PABPC4L: variants seen among roughly 807,000 people sequenced by gnomAD.
PABPC4L encodes poly(A) binding protein cytoplasmic 4 like, also known as polyadenylate-binding protein 4-like.
For synonymous variants in PABPC4L, 169 were observed against 164.1 expected, an observed-to-expected ratio of 1.03 and a Z score of -0.23; for missense variants, 452 against 451.4, an observed-to-expected ratio of 1.00 and a Z score of -0.01.
At chr4:134,103,485 G>A in the PABPC4L span, among the ~76,000 whole-genome samples, 4 of 151,520 alleles carry the variant, frequency 2.6e-5, no homozygotes, top group South Asian at 2.1e-4. Flanking sequence ...CATGGTTCCC[G>A]TTTGTGCATT....
chr4:134,121,899 A>G, the PABPC4L span, among the ~76,000 whole-genome samples: 1 of 151,810 alleles, frequency 6.6e-6, no homozygotes, highest in Non-Finnish European at 1.5e-5. Context: ...CAAATCAACA[A>G]ATATCCCATG....
chr4:133,984,657 T>C, the PABPC4L span, among the ~76,000 whole-genome samples: 2 of 151,932 alleles, frequency 1.3e-5, no homozygotes, highest in Non-Finnish European at 2.9e-5. Flanking sequence ...AGGTGTGACA[T>C]GAAATTTCTT....
chr4:134,152,154 C>A, the PABPC4L span, among the ~76,000 whole-genome samples: 2 of 148,002 alleles, frequency 1.4e-5, no homozygotes, highest in Non-Finnish European at 2.9e-5. Flanking sequence ...GTGGTTTACA[C>A]TCTTTTTTCT....
the PABPC4L span, among the ~76,000 whole-genome samples, chr4:134,110,327 A>G: frequency 3.3e-5 from 5 of 152,164 alleles, no homozygotes; most frequent in East Asian, 9.7e-4. Context: ...AAAATTTAGG[A>G]TACTTTGATA....
the PABPC4L span, among the ~76,000 whole-genome samples, chr4:134,187,475 T>C: frequency 7.1e-6 from 1 of 140,016 alleles, no homozygotes; most frequent in African/African-American, 2.7e-5. Flanking sequence ...TTCTCACTCA[T>C]AGGTGGGAAC....
chr4:134,184,285 T>C, the PABPC4L span, among the ~76,000 whole-genome samples: 1 of 151,838 alleles, frequency 6.6e-6, no homozygotes. Context: ...AATGTCTAAA[T>C]AGAAAAAGTA....
the PABPC4L span, among the ~76,000 whole-genome samples, chr4:133,999,541 G>A: frequency 2.0e-5 from 3 of 151,994 alleles, no homozygotes; most frequent in South Asian, 6.2e-4. Flanking sequence ...TTCATCAGTA[G>A]ATTTCACAAA....
chr4:134,005,183 A>G, the PABPC4L span, among the ~76,000 whole-genome samples: 1 of 152,028 alleles, frequency 6.6e-6, no homozygotes, highest in Non-Finnish European at 1.5e-5. Context: ...CAATGTATAC[A>G]TGTATCAAAA....
At chr4:134,187,956 T>C in the PABPC4L span, among the ~76,000 whole-genome samples, 2 of 152,138 alleles carry the variant, frequency 1.3e-5, no homozygotes, top group Non-Finnish European at 2.9e-5. Context: ...ATGATGTTTT[T>C]ATTTTTTATT....
At chr4:134,130,051 C>T in the PABPC4L span, among the ~76,000 whole-genome samples, 885 of 138,520 alleles carry the variant, frequency 6.4e-3, 10 homozygotes, top group African/African-American at 0.022. Context: ...GGTGACAGAG[C>T]GAGACTCTGT....
At chr4:134,036,362 T>C in the PABPC4L span, among the ~76,000 whole-genome samples, 13 of 152,242 alleles carry the variant, frequency 8.5e-5, no homozygotes, top group African/African-American at 3.1e-4. Flanking sequence ...ATAATTCCTA[T>C]AGACTGAGGA....
At chr4:134,118,556 T>A in the PABPC4L span, among the ~76,000 whole-genome samples, 8 of 151,844 alleles carry the variant, frequency 5.3e-5, no homozygotes, top group Non-Finnish European at 1.0e-4. Context: ...GATTGACAAA[T>A]ATTTAAAGAT....
chr4:134,110,167 G>C, the PABPC4L span, among the ~76,000 whole-genome samples: 2 of 151,960 alleles, frequency 1.3e-5, 1 homozygote, highest in Admixed American at 1.3e-4. Context: ...AAAAATCAAT[G>C]GTGGGCAATA....
downstream of PABPC4L, among the ~76,000 whole-genome samples, chr4:134,194,509 CAAT>C (rs1729602090): frequency 6.6e-6 from 1 of 151,698 alleles, no homozygotes; most frequent in African/African-American, 2.4e-5. Flanking sequence ...ACCTTGGTTA[CAAT>C]GATTGGTTAA....
the PABPC4L span, among the ~76,000 whole-genome samples, chr4:134,007,749 T>G: frequency 2.6e-5 from 4 of 151,650 alleles, no homozygotes; most frequent in Non-Finnish European, 5.9e-5. Flanking sequence ...AATATCTGTA[T>G]GACCAAAAAG....
At chr4:133,981,903 A>C in the PABPC4L span, among the ~76,000 whole-genome samples, 1 of 151,980 alleles carries the variant, frequency 6.6e-6, no homozygotes, top group African/African-American at 2.4e-5. Context: ...GCAATTATTA[A>C]CTTTAACTGA....
the PABPC4L span, among the ~76,000 whole-genome samples, chr4:134,081,158 C>T: frequency 6.6e-6 from 1 of 152,158 alleles, no homozygotes; most frequent in Non-Finnish European, 1.5e-5. Context: ...TGTTACTATA[C>T]ATTTAATGGC....
the PABPC4L span, among the ~76,000 whole-genome samples, chr4:133,988,543 CT>C: frequency 7.9e-5 from 12 of 152,354 alleles, no homozygotes; most frequent in African/African-American, 2.9e-4. Context: ...CCAGGGCACA[CT>C]GATGCAAGAG....
At chr4:134,159,324 C>A in the PABPC4L span, among the ~76,000 whole-genome samples, 570 of 152,184 alleles carry the variant, frequency 3.7e-3, 2 homozygotes, top group African/African-American at 0.013. Flanking sequence ...TGCAAGAAAT[C>A]GCCTTCATAG....
Sources: gnomAD v4.1 joint callset for allele counts (sites outside exome capture counted in the v4.1 genomes callset) on GRCh38, gnomAD v4.1.1 for gene constraint, MANE v1.5 for transcripts, NCBI Gene and HGNC (gene_info 2026-07-23, HGNC 2026-07-21) for gene names.